PPP2R2B: variants seen among roughly 807,000 people sequenced by gnomAD.
PPP2R2B encodes serine/threonine-protein phosphatase 2A 55 kDa regulatory subunit B beta isoform.
PPP2R2B carries 5 observed loss-of-function variants against 46.0 expected under a neutral mutation model. The observed-to-expected ratio is 0.11, with a 90% CI of 0.06 to 0.23. The LOEUF is 0.23. Ranked by LOEUF, PPP2R2B falls within the 10% of genes least tolerant of loss-of-function variation. The probability of loss-of-function intolerance (pLI) is 1.00; values close to 1 mark genes in which losing one functional copy is unlikely to be tolerated. For synonymous variants in PPP2R2B, 215 were observed against 206.7 expected, an observed-to-expected ratio of 1.04 and a Z score of -0.34; for missense variants, 367 against 575.0, an observed-to-expected ratio of 0.64 and a Z score of 3.70.
intron 2 of PPP2R2B, among the ~76,000 whole-genome samples, chr5:146,839,477 G>A (rs1759497010): frequency 1.3e-5 from 2 of 152,278 alleles, no homozygotes; most frequent in African/African-American, 2.4e-5. Flanking sequence ...CTGAGATTGC[G>A]CCATTGTACT....
intron 2 of PPP2R2B, among the ~76,000 whole-genome samples, chr5:146,786,584 T>G (rs1302859599): frequency 2.0e-5 from 3 of 152,226 alleles, no homozygotes; most frequent in African/African-American, 7.2e-5. Flanking sequence ...CATTGCCCTC[T>G]GCTTTCTCCG....
chr5:146,789,632 C>G (rs1017229257), intron 2 of PPP2R2B, among the ~76,000 whole-genome samples: 7 of 152,066 alleles, frequency 4.6e-5, no homozygotes, highest in African/African-American at 1.7e-4. Flanking sequence ...GGTCCCTGCC[C>G]TCAAGGAGAG....
At chr5:146,882,402 C>T (rs1248959989), upstream of PPP2R2B, among the ~76,000 whole-genome samples, 1 of 152,092 alleles carries the variant, frequency 6.6e-6, no homozygotes, top group Non-Finnish European at 1.5e-5. Flanking sequence ...ACAGCAAATG[C>T]ATTCTATATC....
Position 146,984,882 on chromosome 5 carries a change from A to G in PPP2R2B, c.79+70783T>C, listed in dbSNP as rs1200618555. ...ATTTGTATTACATGCCTTCTTTTGA[A>G]AAATGTCTATTCAGGTCCCTTGCTC... On this transcript the variant is annotated intron_variant, in intron 1 of 8. Transcript: ENST00000336640. Among the ~76,000 whole-genome samples, 6 of 152,078 alleles carry G rather than the reference A, an allele frequency of 3.9e-5. No individual in the cohort carries two copies. In the South Asian group the frequency reaches 1.2e-3, roughly 31 times the overall value.
intron 1 of PPP2R2B, among the ~76,000 whole-genome samples, chr5:146,921,043 T>C (rs319159): frequency 0.21 from 31,771 of 152,144 alleles, 4,487 homozygotes; most frequent in African/African-American, 0.4. Context: ...ATGTTGTCTC[T>C]GGTCTTTGTT....
In PPP2R2B at chr5:146,891,493, T is replaced by A. The variant is rs1032375079; in HGVS notation, c.79+164172A>T. Among the ~76,000 whole-genome samples, 6 of 152,342 alleles carry A rather than the reference T, an allele frequency of 3.9e-5. No individual in the cohort carries two copies. The East Asian group carries it at 7.7e-4, about 20-fold the overall frequency. On this transcript the variant is annotated intron_variant, in intron 1 of 8. Transcript: ENST00000336640. ...ATTATGTTAGCAGATTTGCTCTTTT[T>A]AATTTTTTTTAAGTTAACTCAAAGA...
rs1770189161 is a variant in PPP2R2B, at chr5:146,586,863, C to T, written c.*3084G>A. The stretch of plus-strand genomic sequence containing the variant: ...TCCTTTTTTGTTTTTTCTAACTAAT[C>T]TTCCTCCTCCTGACAGAAGAGTACG... On this transcript the variant is annotated 3_prime_UTR_variant, in exon 10 of 10. Transcript: ENST00000394411. The T allele has an allele frequency of 6.6e-6, 1 of 152,160 alleles. No homozygotes were observed. The highest frequency in any genetic ancestry group is 1.5e-5 in the Non-Finnish European group (1 of 68,038). 9.4% of individuals were successfully genotyped at this position (152,160 alleles called of 1,614,324 possible). A position where few individuals can be genotyped will look rare whatever the true frequency, so the allele number is the denominator to read the frequency against.
intron 1 of PPP2R2B, among the ~76,000 whole-genome samples, chr5:147,044,439 A>C (rs1756459625): frequency 6.6e-6 from 1 of 152,070 alleles, no homozygotes; most frequent in Admixed American, 6.6e-5. Context: ...TTCTAATGGG[A>C]TGGGAATAGG....
chr5:146,792,877 T>C (rs931127450), intron 2 of PPP2R2B, among the ~76,000 whole-genome samples: 11 of 152,104 alleles, frequency 7.2e-5, no homozygotes, highest in Non-Finnish European at 8.8e-5. Context: ...ATAAGGGCCC[T>C]TTTTTACACT....
intron 1 of PPP2R2B, among the ~76,000 whole-genome samples, chr5:146,942,802 G>GTTT (rs879508942): frequency 6.9e-6 from 1 of 145,254 alleles, no homozygotes; most frequent in Non-Finnish European, 1.5e-5. Context: ...TGAATCCATA[G>GTTT]TTTTTTTTTT....
At chr5:146,629,961 G>C (rs1033564089) in intron 7 of PPP2R2B, among the ~76,000 whole-genome samples, 1 of 152,094 alleles carries the variant, frequency 6.6e-6, no homozygotes, top group South Asian at 2.1e-4. Flanking sequence ...TTATAGGTGT[G>C]TGCAACCACA....
At chr5:146,912,321 G>T (rs1205803221) in intron 1 of PPP2R2B, among the ~76,000 whole-genome samples, 1 of 151,170 alleles carries the variant, frequency 6.6e-6, no homozygotes, top group African/African-American at 2.4e-5. Flanking sequence ...TGAGGAATCA[G>T]TGGCCACTTC....
At chr5:146,707,260 A>T in intron 2 of PPP2R2B, 1 of 1,587,664 alleles carries the variant, frequency 6.3e-7, no homozygotes, top group Non-Finnish European at 8.6e-7. Context: ...GGTCTCCAGC[A>T]TCTTGTTCTG....
At chr5:146,693,304 TC>T (rs1471107958) in intron 4 of PPP2R2B, among the ~76,000 whole-genome samples, 2 of 152,114 alleles carry the variant, frequency 1.3e-5, no homozygotes, top group Non-Finnish European at 1.5e-5. Context: ...AGCCTTGTCT[TC>T]CTGGGCTCAG....
At chr5:146,828,133 T>A (rs1758695491) in intron 2 of PPP2R2B, among the ~76,000 whole-genome samples, 1 of 152,162 alleles carries the variant, frequency 6.6e-6, no homozygotes, top group Non-Finnish European at 1.5e-5. Flanking sequence ...CCCTCCTGCA[T>A]GATCATGCAT....
intron 7 of PPP2R2B, among the ~76,000 whole-genome samples, chr5:146,635,183 A>G (rs1774726847): frequency 6.6e-6 from 1 of 152,138 alleles, no homozygotes; most frequent in African/African-American, 2.4e-5. Flanking sequence ...GGGGCTCAAA[A>G]TGATTAAATA....
chr5:147,033,595 G>C (rs1250870027), intron 1 of PPP2R2B, among the ~76,000 whole-genome samples: 1 of 152,034 alleles, frequency 6.6e-6, no homozygotes, highest in East Asian at 1.9e-4. Flanking sequence ...AGGGGGTTTG[G>C]GATGGAGACA....
intron 5 of PPP2R2B, among the ~76,000 whole-genome samples, chr5:146,651,311 GT>G (rs1270715950): frequency 6.6e-6 from 1 of 152,088 alleles, no homozygotes; most frequent in Non-Finnish European, 1.5e-5. Flanking sequence ...GAAAATCTTG[GT>G]TTATATTTGT....
chr5:146,795,595 C>A (rs762103118), intron 2 of PPP2R2B, among the ~76,000 whole-genome samples: 1 of 152,082 alleles, frequency 6.6e-6, no homozygotes, highest in Non-Finnish European at 1.5e-5. Flanking sequence ...ATGGTGACTA[C>A]AGTTAGTAAT....
Sources: allele counts gnomAD v4.1 joint callset (sites outside exome capture counted in the v4.1 genomes callset), GRCh38; gene constraint gnomAD v4.1.1; transcripts MANE v1.5; gene names NCBI Gene and HGNC (gene_info 2026-07-23, HGNC 2026-07-21).